The following KANSL1 variants were observed in gnomAD, a reference collection of about 807,000 sequenced individuals.
The protein encoded by KANSL1 is KAT8 regulatory NSL complex subunit 1.
Under a neutral mutation model 103.6 loss-of-function variants are expected in KANSL1, and 22 were observed. The observed-to-expected ratio is 0.21, with a 90% CI of 0.15 to 0.30. The LOEUF (loss-of-function observed/expected upper bound fraction) is 0.30, where lower values mean the gene tolerates loss of function less well. KANSL1 is among the 10% of genes least tolerant of loss of function. The pLI, the probability that KANSL1 is intolerant of heterozygous loss-of-function variation, is 1.00. For synonymous variants in KANSL1, 600 were observed against 527.6 expected, an observed-to-expected ratio of 1.14 and a Z score of -1.88; for missense variants, 1,337 against 1,399.8, an observed-to-expected ratio of 0.96 and a Z score of 0.72.
chr17:46,189,214 C>G (rs1479818699), intron 1 of KANSL1, among the ~76,000 whole-genome samples: 2 of 152,038 alleles, frequency 1.3e-5, no homozygotes, highest in African/African-American at 2.4e-5. Context: ...CAGCGAGACC[C>G]CGAGACCTCG....
rs555819683 is a variant in KANSL1, at chr17:46,033,444, G to C, written c.2683C>G (p.Leu895Val). The C allele has an allele frequency of 3.0e-4, 479 of 1,614,166 alleles. 6 individuals are homozygous for C. In the South Asian group the frequency reaches 4.9e-3, roughly 17 times the overall value. ...ILTPSWREVD[L>V]QSLKGSPDEE... is the part of the protein sequence containing the mutation. ...TCAGGACTCCCCTTCAGAGACTGAA[G>C]ATCAACCTCCCGCCAGCTGCAAAAC... Residue 895 changes from leucine (L) to valine (V), a missense_variant, in exon 12 of 15, where the codon CTT (leucine) becomes GTT (valine). Transcript: ENST00000432791.
At chr17:46,131,246 G>C (rs751203131) in intron 2 of KANSL1, among the ~76,000 whole-genome samples, 1 of 152,222 alleles carries the variant, frequency 6.6e-6, no homozygotes, top group Non-Finnish European at 1.5e-5. Flanking sequence ...ATCAATGGGT[G>C]AATGGGAATA....
At chr17:46,086,281 G>A (rs2079160202) in intron 3 of KANSL1, among the ~76,000 whole-genome samples, 1 of 152,164 alleles carries the variant, frequency 6.6e-6, no homozygotes, top group African/African-American at 2.4e-5. Context: ...TCCTAAGAGA[G>A]TATAATAAAA....
In KANSL1 at chr17:46,067,683, G is replaced by GA; in HGVS notation, c.1534-17dup. 1 of 1,379,768 alleles carries GA rather than the reference G, an allele frequency of 7.2e-7. No homozygotes were observed. The highest frequency in any genetic ancestry group is 1.0e-6 in the Non-Finnish European group (1 of 970,452). The allele number at this position is 1,379,768 out of a possible 1,614,324, so 85.5% of individuals were successfully genotyped here. A position where few individuals can be genotyped will look rare whatever the true frequency, so the allele number is the denominator to read the frequency against. ...CAGACTCAATCTGATTAAGAAAAAG[G>GA]AAAAAAGAAATTAACATGTACCCAA... On this transcript the variant is annotated splice_polypyrimidine_tract_variant and intron_variant, in intron 4 of 14. Transcript: ENST00000432791.
chr17:46,181,384 C>G (rs966460675), intron 1 of KANSL1, among the ~76,000 whole-genome samples: 3 of 152,118 alleles, frequency 2.0e-5, no homozygotes, highest in African/African-American at 7.2e-5. Context: ...CCAAACTATC[C>G]TTTACCTTTT....
intron 1 of KANSL1, among the ~76,000 whole-genome samples, chr17:46,173,574 G>A (rs1456421401): frequency 6.6e-6 from 1 of 152,200 alleles, no homozygotes; most frequent in Non-Finnish European, 1.5e-5. Context: ...GGAGGTTCGT[G>A]AAATCAAAGG....
chr17:46,059,896 T>C (rs1442783521), intron 6 of KANSL1, among the ~76,000 whole-genome samples: 1 of 151,284 alleles, frequency 6.6e-6, no homozygotes, highest in African/African-American at 2.4e-5. Context: ...ATTGCACCAC[T>C]GCACTCCAGC....
At position 46,215,530 on chromosome 17, in the gene KANSL1, G is replaced by A. The variant is rs111556467; in HGVS notation, c.-90+8141C>T. ...CAACAGAAGGTCACGCAGCCAAAAG[G>A]GCGATGAAGGTCTGGACTCAAAAAG... On this transcript the variant is annotated intron_variant, in intron 1 of 14. Coordinates refer to the KANSL1 transcript ENST00000572904. Among the ~76,000 whole-genome samples the A allele has an allele frequency of 4.4e-3, 670 of 152,300 alleles. 4 individuals carry two copies. Among genetic ancestry groups the A allele is most frequent in the Middle Eastern group, 0.014 (4 of 294 alleles).
chr17:46,060,140 T>G (rs2078106854), intron 6 of KANSL1, among the ~76,000 whole-genome samples: 1 of 152,224 alleles, frequency 6.6e-6, no homozygotes, highest in Non-Finnish European at 1.5e-5. Flanking sequence ...ATGAAGGAAT[T>G]AATACCAAAG....
At chr17:46,183,799 G>A (rs2046900479) in intron 1 of KANSL1, among the ~76,000 whole-genome samples, 1 of 152,066 alleles carries the variant, frequency 6.6e-6, no homozygotes. Context: ...TGTAATCCCA[G>A]CTATTCAGAA....
chr17:46,153,769 A>G (rs1400986893), intron 2 of KANSL1, among the ~76,000 whole-genome samples: 2 of 152,234 alleles, frequency 1.3e-5, no homozygotes, highest in South Asian at 2.1e-4. Flanking sequence ...CAATACAAAG[A>G]AGAGAGAGAA....
At position 46,171,606 on chromosome 17, in the gene KANSL1, T is replaced by C; in HGVS notation, c.538A>G (p.Lys180Glu). The part of the protein sequence containing the change: ...HDNSTSLNGG[K>E]RALTSSALHG... ...AGAGCAGATGAAGTGAGAGCCCGTT[T>C]TCCCCCATTGAGGGAAGTGGAATTG... Residue 180 changes from lysine to glutamate, a missense_variant, in exon 2 of 15, where the codon AAA (lysine) becomes GAA (glutamate). Physicochemically the swap from Lys to Glu is moderately conservative, Grantham distance 56 (BLOSUM62 1). This residue lies in a region of KANSL1 where 557 missense variants were observed against 476.4 expected (regional missense o/e 1.17). Transcript: ENST00000432791. The C allele has an allele frequency of 6.3e-7, 1 of 1,582,760 alleles. No homozygotes were observed. Among genetic ancestry groups the C allele is most frequent in the Non-Finnish European group, 8.6e-7 (1 of 1,167,590 alleles).
chr17:46,079,014 G>C (rs2078889913), intron 4 of KANSL1, among the ~76,000 whole-genome samples: 1 of 151,770 alleles, frequency 6.6e-6, no homozygotes, highest in African/African-American at 2.4e-5. Flanking sequence ...TGAGTCAGAA[G>C]TCAGAATGAA....
At chr17:46,186,500 CTT>C (rs2047042484) in intron 1 of KANSL1, among the ~76,000 whole-genome samples, 1 of 152,138 alleles carries the variant, frequency 6.6e-6, no homozygotes, top group South Asian at 2.1e-4. Context: ...CAATTAATGA[CTT>C]TTAAAAGTAC....
chr17:46,217,900 A>C (rs762548367), intron 1 of KANSL1, among the ~76,000 whole-genome samples: 17,843 of 149,458 alleles, frequency 0.12, no homozygotes, highest in Non-Finnish European at 0.18. Flanking sequence ...GTGACACGTG[A>C]CTGTAATCCC....
chr17:46,039,537 C>G, intron 8 of KANSL1, 165 bp downstream of exon 8: 1 of 757,052 alleles, frequency 1.3e-6, no homozygotes, highest in Non-Finnish European at 2.1e-6. Context: ...CGAAGTCCAT[C>G]TGAGAGCATC....
At chr17:46,129,929 T>A (rs186658595) in intron 2 of KANSL1, among the ~76,000 whole-genome samples, 1,897 of 152,176 alleles carry the variant, frequency 0.012, 16 homozygotes, top group Non-Finnish European at 0.022. Flanking sequence ...CTCACACCTG[T>A]AATTCTAGCA....
intron 2 of KANSL1, chr17:46,120,195 A>C (rs2043218535): frequency 1.3e-5 from 2 of 152,222 alleles, no homozygotes; most frequent in Non-Finnish European, 2.9e-5. Flanking sequence ...TCTTTCATGG[A>C]GCCATGTAAG....
At chr17:46,071,196 C>T (rs1455872002) in intron 4 of KANSL1, among the ~76,000 whole-genome samples, 1 of 152,064 alleles carries the variant, frequency 6.6e-6, no homozygotes, top group Non-Finnish European at 1.5e-5. Context: ...AGTCAACAGG[C>T]AACACATTAT....
Sources: allele counts gnomAD v4.1 joint callset (sites outside exome capture counted in the v4.1 genomes callset), GRCh38; gene constraint gnomAD v4.1.1; regional missense constraint gnomAD v4.1.1; transcripts MANE v1.5; gene names NCBI Gene and HGNC (gene_info 2026-07-23, HGNC 2026-07-21).